Variants in FDPS observed in about 807,000 individuals in gnomAD.
FDPS encodes farnesyl pyrophosphate synthase.
Under a neutral mutation model 49.5 loss-of-function variants are expected in FDPS, and 29 were observed. That is an observed-to-expected ratio of 0.59 (90% CI 0.44 to 0.80). The LOEUF (loss-of-function observed/expected upper bound fraction) is 0.80. Ranked by LOEUF, FDPS falls within the 30% of genes least tolerant of loss-of-function variation. The probability of loss-of-function intolerance (pLI) is 0.00; values close to 1 mark genes in which losing one functional copy is unlikely to be tolerated. For synonymous variants in FDPS, 172 were observed against 206.4 expected, an observed-to-expected ratio of 0.83 and a Z score of 1.43; for missense variants, 414 against 525.6, an observed-to-expected ratio of 0.79 and a Z score of 2.08.
Position 155,312,535 on chromosome 1 carries a change from G to A in FDPS, c.480+140G>A, listed in dbSNP as rs1648907817. On this transcript the variant is annotated intron_variant, in intron 4 of 10. Transcript: ENST00000368356. ...CTAGTGTGCTACGGCCAAATTTAGAGTGAATCACTCCAAGGGTTAACTAAT... is the reference window on the plus strand; with the variant it reads ...CTAGTGTGCTACGGCCAAATTTAGAATGAATCACTCCAAGGGTTAACTAAT... 7.0e-6 allele frequency: 6 copies of A among 859,906 alleles called. No individual in the cohort carries two copies. The South Asian group carries it at 9.9e-5, about 14-fold the overall frequency. The allele number at this position is 859,906 out of a possible 1,614,324, so 53.3% of individuals were successfully genotyped here.
intron 4 of FDPS, 55 bp from the exon 5 acceptor site, chr1:155,317,886 C>A: frequency 2.0e-6 from 3 of 1,496,178 alleles, no homozygotes; most frequent in East Asian, 4.5e-5. Flanking sequence ...AGCTCTGTTG[C>A]TGATAGAAGG....
At chr1:155,315,469 G>A (rs1649245304) in intron 4 of FDPS, among the ~76,000 whole-genome samples, 1 of 152,064 alleles carries the variant, frequency 6.6e-6, no homozygotes, top group Admixed American at 6.5e-5. Context: ...CATGAAGTCA[G>A]GAGATCGAGA....
In FDPS at chr1:155,318,208, C is replaced by T. The variant is rs1222447133; in HGVS notation, c.601C>T (p.Leu201=). ...GLDAINDANL[L]EACIYRLLKL... is the part of the protein sequence containing the mutation. ...GGATGCCATCAATGATGCTAACCTC[C>T]TGGAAGCATGTATCTACCGCCTGCT... The change falls in exon 6 of 11, where the codon CTG becomes TTG. Residue 201 remains leucine (L), a synonymous_variant. Transcript: ENST00000368356. This position sits in a 1 kb window ranked among gnomAD's most constrained non-coding sequence, Gnocchi z 4.2. The T allele has an allele frequency of 6.2e-7, 1 of 1,614,068 alleles. No homozygotes were observed. The highest frequency in any genetic ancestry group is 8.5e-7 in the Non-Finnish European group (1 of 1,179,970).
intron 3 of FDPS, among the ~76,000 whole-genome samples, chr1:155,311,816 T>G (rs997469505): frequency 1.2e-4 from 18 of 151,792 alleles, no homozygotes; most frequent in Admixed American, 1.2e-3. Flanking sequence ...CTACTAAAAA[T>G]ACAAAAATTA....
At position 155,318,316 on chromosome 1, in the gene FDPS, C is replaced by A; in HGVS notation, c.684+25C>A. The A allele has an allele frequency of 6.2e-7, 1 of 1,606,354 alleles. No individual in the cohort carries two copies. Among genetic ancestry groups the A allele is most frequent in the Non-Finnish European group, 8.5e-7 (1 of 1,179,840 alleles). ...GGTGTATTGCAGACAGGGCCCGATG[C>A]CCAGAGGGTGCCCATGGTAGCCTTG... is the stretch of plus-strand genomic sequence containing the variant. On this transcript the variant is annotated intron_variant, in intron 6 of 10. Transcript: ENST00000368356. This position sits in a 1 kb window ranked among gnomAD's most constrained non-coding sequence, Gnocchi z 4.2.
rs1371395955 is a variant in FDPS, at chr1:155,320,438, A to G, written c.1089A>G (p.Lys363=). Residue 363 remains lysine (K), a synonymous_variant, in exon 11 of 11, where the codon AAA becomes AAG. Transcript: ENST00000368356. ...KENYGQKEAE[K]VARVKALYEE... ...ATTACGGGCAGAAGGAGGCTGAGAAAGTGGCCCGGGTGAAGGCGCTATATG... is the reference window on the plus strand; with the variant it reads ...ATTACGGGCAGAAGGAGGCTGAGAAGGTGGCCCGGGTGAAGGCGCTATATG... 3 of 1,613,634 alleles carry G rather than the reference A, an allele frequency of 1.9e-6. No homozygotes were observed. The highest frequency in any genetic ancestry group is 1.1e-5 in the South Asian group (1 of 91,046).
At position 155,310,115 on chromosome 1, in the gene FDPS, C is replaced by T. The variant is rs765803031; in HGVS notation, c.249C>T (p.Phe83=). 25 of 1,613,878 alleles carry T rather than the reference C, an allele frequency of 1.5e-5. No homozygotes were observed. Among genetic ancestry groups the T allele is most frequent in the Middle Eastern group, 1.6e-4 (1 of 6,074 alleles). ...SDVYAQEKQD[F]VQHFSQIVRV... is the part of the protein sequence containing the mutation. ...TTTATGCCCAAGAAAAGCAGGATTT[C>T]GTTCAGCACTTCTCCCAGATCGTTA... is the stretch of plus-strand genomic sequence containing the variant. The change falls in exon 3 of 11, where the codon TTC becomes TTT. Residue 83 remains phenylalanine (F), a synonymous_variant. Transcript: ENST00000368356.
At chr1:155,311,999 T>A (rs1057395306) in intron 3 of FDPS, among the ~76,000 whole-genome samples, 3 of 151,730 alleles carry the variant, frequency 2.0e-5, no homozygotes, top group African/African-American at 7.3e-5. Flanking sequence ...AATAAATAAA[T>A]AAAAACAAAA....
At chr1:155,314,782 T>G (rs1468511289) in intron 4 of FDPS, among the ~76,000 whole-genome samples, 3 of 151,522 alleles carry the variant, frequency 2.0e-5, no homozygotes, top group Admixed American at 6.6e-5. Context: ...GGCCTGGGTT[T>G]TTTTTTTTTT....
At chr1:155,313,291 C>A (rs1648992967) in intron 4 of FDPS, among the ~76,000 whole-genome samples, 1 of 152,186 alleles carries the variant, frequency 6.6e-6, no homozygotes, top group Non-Finnish European at 1.5e-5. Context: ...GTCTTCTATA[C>A]CAGTTCGTCT....
chr1:155,315,177 C>T (rs1044010801), intron 4 of FDPS, among the ~76,000 whole-genome samples: 10 of 152,206 alleles, frequency 6.6e-5, no homozygotes, highest in African/African-American at 2.4e-4. Context: ...CTCTGGCAGG[C>T]GGTGTTGCAT....
chr1:155,319,014 A>T, intron 8 of FDPS, 86 bp downstream of exon 8: 1 of 957,844 alleles, frequency 1.0e-6, no homozygotes, highest in Non-Finnish European at 1.7e-6. Flanking sequence ...GAACACTGCT[A>T]CCCCTGGTGA....
chr1:155,315,890 C>T (rs1649327900), intron 4 of FDPS, among the ~76,000 whole-genome samples: 1 of 149,610 alleles, frequency 6.7e-6, no homozygotes, highest in Admixed American at 6.7e-5. Flanking sequence ...ACACACAAAC[C>T]ATGTCTTCTG....
chr1:155,319,733 C>T, intron 9 of FDPS, 45 bp downstream of exon 9: 1 of 1,614,020 alleles, frequency 6.2e-7, no homozygotes, highest in Admixed American at 1.7e-5. Context: ...ACCAGCTTCA[C>T]TCCTCCTCTG....
In FDPS at chr1:155,308,937, A is replaced by G. The variant is rs1648490350; in HGVS notation, c.-30A>G. The G allele has an allele frequency of 6.4e-6, 1 of 156,574 alleles. No individual in the cohort carries two copies. Among genetic ancestry groups the G allele is most frequent in the Admixed American group, 6.5e-5 (1 of 15,282 alleles). 9.7% of individuals were successfully genotyped at this position (156,574 alleles called of 1,614,324 possible). ...TTAGGAGTACCCGCCAACAAGCGGG[A>G]CCGAGCAGGAATCCGTATCTGGGAA... On this transcript the variant is annotated 5_prime_UTR_variant, in exon 1 of 11. Transcript: ENST00000368356.
At chr1:155,313,336 TA>T (rs1453008098) in intron 4 of FDPS, among the ~76,000 whole-genome samples, 3 of 152,190 alleles carry the variant, frequency 2.0e-5, no homozygotes, top group Admixed American at 6.5e-5. Context: ...TGGCATGGCC[TA>T]AAGCTTTCAT....
intron 10 of FDPS, 60 bp downstream of exon 10, chr1:155,319,988 C>T (rs1426100777): frequency 8.2e-5 from 129 of 1,572,790 alleles, no homozygotes; most frequent in Middle Eastern, 5.1e-4. Context: ...CAGTGGTTCT[C>T]AACTAGAGGC....
Position 155,318,353 on chromosome 1 carries a change from A to G in FDPS, c.684+62A>G. 1 of 1,592,914 alleles carries G rather than the reference A, an allele frequency of 6.3e-7. No homozygotes were observed. Among genetic ancestry groups the G allele is most frequent in the Non-Finnish European group, 8.5e-7 (1 of 1,172,548 alleles). ...CCATGGTAGCCTTGGCCTCTATAGG[A>G]CATGCTCATCTAGCTGGTTTCAGGG... On this transcript the variant is annotated intron_variant, in intron 6 of 10. Transcript: ENST00000368356. This position sits in a 1 kb window ranked among gnomAD's most constrained non-coding sequence, Gnocchi z 4.2.
intron 4 of FDPS, among the ~76,000 whole-genome samples, chr1:155,313,482 T>C (rs1649009011): frequency 6.6e-6 from 1 of 152,186 alleles, no homozygotes; most frequent in Non-Finnish European, 1.5e-5. Context: ...AGCAGCTGGC[T>C]CAAGGGAAGA....
Sources: allele counts gnomAD v4.1 joint callset (sites outside exome capture counted in the v4.1 genomes callset), GRCh38; gene constraint gnomAD v4.1.1; non-coding constraint Gnocchi (gnomAD v3.1); transcripts MANE v1.5; gene names NCBI Gene and HGNC (gene_info 2026-07-23, HGNC 2026-07-21).